PCDH15: variants seen among roughly 807,000 people sequenced by gnomAD.
PCDH15 encodes protocadherin related 15.
A neutral mutation model predicts 178.5 loss-of-function variants in PCDH15; 129 were observed. The observed-to-expected ratio is 0.72, with a 90% CI of 0.63 to 0.84. PCDH15 has a LOEUF of 0.84. PCDH15 is among the 40% of genes least tolerant of loss of function. The pLI, the probability that PCDH15 is intolerant of heterozygous loss-of-function variation, is 0.00. For missense variants in PCDH15, 2,230 were observed against 2,099.9 expected (o/e 1.06, Z -1.21); for synonymous variants, 800 against 732.0 (o/e 1.09, Z -1.50).
At chr10:54,304,494 C>T (rs1333670377) in intron 8 of PCDH15, among the ~76,000 whole-genome samples, 1 of 151,962 alleles carries the variant, frequency 6.6e-6, no homozygotes, top group Non-Finnish European at 1.5e-5. Context: ...AAAGCTTGGG[C>T]ATGAGAACAA....
chr10:53,861,231 T>C (rs2079089197), intron 27 of PCDH15, among the ~76,000 whole-genome samples: 1 of 152,164 alleles, frequency 6.6e-6, no homozygotes, highest in South Asian at 2.1e-4. Context: ...TTCCAGAAAT[T>C]TGCATGTCAG....
chr10:54,207,524 T>C (rs958371566), intron 10 of PCDH15, among the ~76,000 whole-genome samples: 30 of 152,064 alleles, frequency 2.0e-4, no homozygotes, highest in African/African-American at 6.8e-4. Context: ...GTTTTTAGAC[T>C]GACTTCTTTT....
intron 2 of PCDH15, among the ~76,000 whole-genome samples, chr10:55,532,323 T>C (rs1283232935): frequency 6.6e-6 from 1 of 152,024 alleles, no homozygotes; most frequent in Non-Finnish European, 1.5e-5. Flanking sequence ...TCTAAACATC[T>C]TAATACTTGG....
At chr10:54,243,506 CAAAA>C (rs943385529) in intron 8 of PCDH15, among the ~76,000 whole-genome samples, 3 of 147,170 alleles carry the variant, frequency 2.0e-5, no homozygotes, top group Admixed American at 2.0e-4. Flanking sequence ...GACTCAGCGT[CAAAA>C]AAAAAAGTTA....
intron 3 of PCDH15, among the ~76,000 whole-genome samples, chr10:54,831,140 A>G (rs1345109376): frequency 2.0e-5 from 3 of 152,098 alleles, no homozygotes; most frequent in African/African-American, 7.2e-5. Flanking sequence ...TAGAACATCT[A>G]TTTAACTTCC....
intron 2 of PCDH15, among the ~76,000 whole-genome samples, chr10:54,970,318 G>A (rs1331632285): frequency 6.6e-6 from 1 of 152,112 alleles, no homozygotes; most frequent in Non-Finnish European, 1.5e-5. Flanking sequence ...CAAGAAGTTA[G>A]GTATTTCTAT....
intron 21 of PCDH15, among the ~76,000 whole-genome samples, chr10:53,970,456 C>T (rs1010963224): frequency 6.0e-5 from 9 of 151,260 alleles, no homozygotes; most frequent in African/African-American, 1.9e-4. Flanking sequence ...CTGAAGGAGA[C>T]AGAGAAACAA....
intron 2 of PCDH15, among the ~76,000 whole-genome samples, chr10:54,924,804 C>A (rs1038532283): frequency 6.6e-6 from 1 of 152,004 alleles, no homozygotes; most frequent in African/African-American, 2.4e-5. Flanking sequence ...TTATATTTTT[C>A]TTGTACATTT....
intron 33 of PCDH15, chr10:53,818,368 G>T (rs1301032691): frequency 1.8e-5 from 3 of 167,322 alleles, no homozygotes; most frequent in African/African-American, 4.7e-5. Flanking sequence ...CACAAGTCTT[G>T]ATATATATAC....
intron 2 of PCDH15, among the ~76,000 whole-genome samples, chr10:55,344,129 A>G (rs1844677593): frequency 6.6e-6 from 1 of 152,114 alleles, no homozygotes; most frequent in Non-Finnish European, 1.5e-5. Context: ...GAGATGAAAT[A>G]TATATGTATT....
At chr10:54,644,571 C>T (rs1032550796) in intron 2 of PCDH15, among the ~76,000 whole-genome samples, 11 of 151,956 alleles carry the variant, frequency 7.2e-5, no homozygotes, top group Admixed American at 6.6e-4. Flanking sequence ...TTATCTTAAG[C>T]TTCCAGTTAC....
At chr10:54,777,534 C>T (rs1253454671) in intron 1 of PCDH15, among the ~76,000 whole-genome samples, 1 of 152,128 alleles carries the variant, frequency 6.6e-6, no homozygotes, top group Non-Finnish European at 1.5e-5. Context: ...AGCAGACATT[C>T]CCAACAGTCA....
intron 1 of PCDH15, among the ~76,000 whole-genome samples, chr10:54,761,709 AAAACAAAACAAAACAAAAC>A (rs1947902487): frequency 8.7e-5 from 1 of 11,482 alleles, no homozygotes; most frequent in African/African-American, 2.0e-4. Flanking sequence ...AAAACAAAAC[AAAACAAAACAAAACAAAAC>A]AAAACAGTTA....
chr10:54,967,158 A>G (rs563679014), intron 2 of PCDH15, among the ~76,000 whole-genome samples: 11 of 152,172 alleles, frequency 7.2e-5, no homozygotes, highest in Non-Finnish European at 1.3e-4. Context: ...AAAAACTACA[A>G]TGTTACAGTG....
intron 2 of PCDH15, among the ~76,000 whole-genome samples, chr10:55,531,643 G>A (rs1444297097): frequency 6.6e-6 from 1 of 151,976 alleles, no homozygotes; most frequent in African/African-American, 2.4e-5. Context: ...TAAGAAAGGA[G>A]AGCCACATCT....
chr10:53,851,599 T>A (rs2078361132), intron 28 of PCDH15, among the ~76,000 whole-genome samples: 1 of 147,114 alleles, frequency 6.8e-6, no homozygotes. Flanking sequence ...TTACATTGAT[T>A]TAAGAAAATG....
chr10:53,874,437 G>A (rs2080083945), intron 26 of PCDH15, among the ~76,000 whole-genome samples: 1 of 152,100 alleles, frequency 6.6e-6, no homozygotes, highest in African/African-American at 2.4e-5. Flanking sequence ...TTAGTTTGCA[G>A]CCATTATTTG....
At chr10:53,879,969 A>G (rs1356643795) in intron 26 of PCDH15, among the ~76,000 whole-genome samples, 1 of 152,162 alleles carries the variant, frequency 6.6e-6, no homozygotes, top group East Asian at 1.9e-4. Context: ...TATATTCTAT[A>G]CTTAAAATTT....
intron 32 of PCDH15, chr10:53,823,235 A>T (rs2076426424): frequency 1.2e-6 from 2 of 1,613,970 alleles, no homozygotes; most frequent in Non-Finnish European, 1.7e-6. Context: ...ATCCGTCTAC[A>T]TGAGCTGACT....
Sources: allele counts gnomAD v4.1 joint callset (sites outside exome capture counted in the v4.1 genomes callset), GRCh38; gene constraint gnomAD v4.1.1; transcripts MANE v1.5; gene names NCBI Gene and HGNC (gene_info 2026-07-23, HGNC 2026-07-21).